KIAA1549L: variants seen among roughly 807,000 people sequenced by gnomAD.
The protein encoded by KIAA1549L is KIAA1549 like.
A neutral mutation model predicts 160.7 loss-of-function variants in KIAA1549L; 88 were observed. The observed-to-expected ratio is 0.55, with a 90% CI of 0.46 to 0.65. The LOEUF (loss-of-function observed/expected upper bound fraction) is 0.65, where lower values mean the gene tolerates loss of function less well. KIAA1549L is among the 30% of genes least tolerant of loss of function. KIAA1549L has a pLI of 0.00. For synonymous variants in KIAA1549L, 950 were observed against 976.7 expected (o/e 0.97, Z 0.51); for missense variants, 2,258 against 2,437.5 (o/e 0.93, Z 1.55).
intron 1 of KIAA1549L, among the ~76,000 whole-genome samples, chr11:33,384,706 A>G (rs1308909208): frequency 6.6e-6 from 1 of 152,080 alleles, no homozygotes; most frequent in Non-Finnish European, 1.5e-5. Flanking sequence ...CTAATCACTA[A>G]TAATTTTATT....
intron 9 of KIAA1549L, among the ~76,000 whole-genome samples, chr11:33,570,326 A>T (rs1289861088): frequency 1.3e-5 from 2 of 152,094 alleles, no homozygotes; most frequent in Non-Finnish European, 2.9e-5. Context: ...CTAAGAGCTC[A>T]GTGCACTTGG....
chr11:33,624,957 G>A (rs1851060359), intron 16 of KIAA1549L, among the ~76,000 whole-genome samples: 1 of 135,248 alleles, frequency 7.4e-6, no homozygotes, highest in Non-Finnish European at 1.5e-5. Flanking sequence ...CCCTTTCTGT[G>A]TCCATGTGTT....
chr11:33,564,835 TA>T (rs1854994427), intron 8 of KIAA1549L, among the ~76,000 whole-genome samples: 1 of 152,220 alleles, frequency 6.6e-6, no homozygotes, highest in African/African-American at 2.4e-5. Flanking sequence ...CTTTTAGTGC[TA>T]AATGTGTAGG....
At chr11:33,654,590 G>A (rs549846606) in intron 17 of KIAA1549L, among the ~76,000 whole-genome samples, 1 of 152,198 alleles carries the variant, frequency 6.6e-6, no homozygotes, top group Non-Finnish European at 1.5e-5. Flanking sequence ...TGTGTTGGAG[G>A]TGAGTGCCTC....
At chr11:33,649,484 A>G (rs1323489530) in intron 17 of KIAA1549L, among the ~76,000 whole-genome samples, 1 of 145,652 alleles carries the variant, frequency 6.9e-6, no homozygotes, top group Non-Finnish European at 1.5e-5. Flanking sequence ...TGGGTAATAG[A>G]GCAAGACCTT....
chr11:33,609,853 G>C lies in KIAA1549L; in HGVS notation c.5166G>C (p.Thr1722=). ...ATTACGACTTCCCTGCAGTGGAGAC[G>C]AGCAAGGGTCTGACCGAAAGAAAGA... ...KGYYDFPAVE[T]SKGLTERKKM... is the part of the protein sequence containing the mutation. The change falls in exon 15 of 21, where the codon ACG becomes ACC. Residue 1722 remains threonine, a synonymous_variant. Coordinates refer to ENST00000658780, the MANE Select transcript of KIAA1549L (RefSeq NM_012194.3). The C allele has an allele frequency of 3.7e-6, 6 of 1,613,882 alleles. No homozygotes were observed. Among genetic ancestry groups the C allele is most frequent in the Non-Finnish European group, 5.1e-6 (6 of 1,179,826 alleles).
At position 33,464,519 on chromosome 11, in the gene KIAA1549L, C is replaced by T. The variant is rs574666037; in HGVS notation, c.239-77283C>T. On this transcript the variant is annotated intron_variant, in intron 1 of 20. Coordinates refer to ENST00000658780, the MANE Select transcript of KIAA1549L (RefSeq NM_012194.3). Reference sequence around the variant, plus strand: ...GTGTGTGTGTGTGTGTGTGCGTGCGCGCATGCCCCCCCCCACACACGCATT... The same window carrying T: ...GTGTGTGTGTGTGTGTGTGCGTGCGTGCATGCCCCCCCCCACACACGCATT... Among the ~76,000 whole-genome samples the T allele has an allele frequency of 2.0e-4, 25 of 123,734 alleles. No homozygotes were observed. The East Asian group carries it at 2.9e-3, about 14-fold the overall frequency. The allele number at this position is 123,734 out of a possible 152,430, so 81.2% of individuals were successfully genotyped here.
intron 5 of KIAA1549L, 44 bp from the exon 6 acceptor site, chr11:33,552,064 G>C (rs767882103): frequency 6.2e-7 from 1 of 1,605,952 alleles, no homozygotes; most frequent in African/African-American, 1.3e-5. Context: ...AAGGAACTGA[G>C]ACATGGAGCT....
chr11:33,460,763 C>A (rs1448897010), intron 1 of KIAA1549L, among the ~76,000 whole-genome samples: 1 of 152,132 alleles, frequency 6.6e-6, no homozygotes, highest in Non-Finnish European at 1.5e-5. Context: ...AGAAAAATCC[C>A]TCTTAAGTAT....
intron 1 of KIAA1549L, among the ~76,000 whole-genome samples, chr11:33,473,241 C>G (rs1472675962): frequency 1.3e-5 from 2 of 152,124 alleles, no homozygotes; most frequent in African/African-American, 4.8e-5. Flanking sequence ...TAACCATAGT[C>G]CCTACCTTCA....
intron 1 of KIAA1549L, among the ~76,000 whole-genome samples, chr11:33,452,215 A>G (rs1250293108): frequency 6.6e-6 from 1 of 152,214 alleles, no homozygotes; most frequent in African/African-American, 2.4e-5. Context: ...GGTAGGTGAA[A>G]GCTGGATGAA....
chr11:33,500,003 A>G (rs769684147), intron 1 of KIAA1549L, among the ~76,000 whole-genome samples: 48 of 152,030 alleles, frequency 3.2e-4, no homozygotes, highest in Non-Finnish European at 5.7e-4. Context: ...TTCTTCTTTC[A>G]CTGATACCAG....
rs1313839254 is a variant in KIAA1549L at position 33,442,144 on chromosome 11, G to C, written c.238+65255G>C. Among the ~76,000 whole-genome samples the C allele has an allele frequency of 2.0e-5, 3 of 152,130 alleles. No individual in the cohort carries two copies. In the East Asian group the frequency reaches 5.8e-4, roughly 29 times the overall value. ...AGTTTCAGCTTTCTACATATGGCTA[G>C]CCAGTTTTCCCAGCACCATTTATTA... On this transcript the variant is annotated intron_variant, in intron 1 of 20. Coordinates refer to ENST00000658780, the MANE Select transcript of KIAA1549L (RefSeq NM_012194.3).
At chr11:33,423,097 G>A (rs1253967432) in intron 1 of KIAA1549L, among the ~76,000 whole-genome samples, 1 of 152,086 alleles carries the variant, frequency 6.6e-6, no homozygotes. Context: ...AAATATGCGA[G>A]GACTTCAGAA....
intron 1 of KIAA1549L, among the ~76,000 whole-genome samples, chr11:33,525,769 T>C (rs1258448386): frequency 1.3e-5 from 2 of 151,984 alleles, no homozygotes; most frequent in Non-Finnish European, 2.9e-5. Context: ...TACTTGGTGC[T>C]GTTGGTGAGG....
intron 1 of KIAA1549L, among the ~76,000 whole-genome samples, chr11:33,446,028 G>A (rs1053210497): frequency 4.0e-5 from 6 of 151,790 alleles, no homozygotes; most frequent in African/African-American, 1.5e-4. Context: ...CATTTTTGAA[G>A]CTCTTGCAGT....
Position 33,656,109 on chromosome 11 carries a change from G to A in KIAA1549L, c.5858G>A (p.Arg1953Gln), listed in dbSNP as rs769114072. The A allele has an allele frequency of 1.7e-5, 28 of 1,609,136 alleles. No homozygotes were observed. The highest frequency in any genetic ancestry group is 6.7e-5 in the African/African-American group (5 of 74,792). The change falls in exon 18 of 21, where the codon CGA becomes CAA. Residue 1953 changes from arginine to glutamine, a missense_variant and splice_region_variant. By Grantham distance (43) the Arg-to-Gln change is conservative (BLOSUM62 1). Transcript: ENST00000658780. The stretch of plus-strand genomic sequence containing the variant: ...CCTGTGGCTGTCGCTTCTCTCAGGC[G>A]GTAACACGTTCCTTTCTTTGTTTTG... ...TGPVAVASLR[R>Q]STSDIGSKTR...
At chr11:33,427,495 C>A (rs1851142775) in intron 1 of KIAA1549L, among the ~76,000 whole-genome samples, 1 of 152,158 alleles carries the variant, frequency 6.6e-6, no homozygotes. Flanking sequence ...GGCCATGCAT[C>A]CCCCTTCGCT....
Position 33,543,097 on chromosome 11 carries a change from G to A in KIAA1549L, c.1534G>A (p.Glu512Lys). 3 of 1,613,896 alleles carry A rather than the reference G, an allele frequency of 1.9e-6. No homozygotes were observed. The highest frequency in any genetic ancestry group is 1.1e-5 in the South Asian group (1 of 91,082). Residue 512 changes from glutamate (E) to lysine (K), a missense_variant, in exon 2 of 21, where the codon GAG (glutamate) becomes AAG (lysine). Physicochemically the swap from Glu to Lys is moderately conservative, Grantham distance 56. This residue lies in a region of KIAA1549L where 540 missense variants were observed against 465.7 expected (regional missense o/e 1.16). Coordinates refer to ENST00000658780, the MANE Select transcript of KIAA1549L (RefSeq NM_012194.3). Reference sequence around the variant, plus strand: ...CATACTTACTTTCCTCCAGCCCACAGAGAATCATGCCTCCCCATCTCCTGT... The same window carrying A: ...CATACTTACTTTCCTCCAGCCCACAAAGAATCATGCCTCCCCATCTCCTGT... The part of the protein sequence containing the change: ...PSILTFLQPT[E>K]NHASPSPVPE...
Sources: allele counts gnomAD v4.1 joint callset (sites outside exome capture counted in the v4.1 genomes callset), GRCh38; gene constraint gnomAD v4.1.1; regional missense constraint gnomAD v4.1.1; transcripts MANE v1.5; gene names NCBI Gene and HGNC (gene_info 2026-07-23, HGNC 2026-07-21).